Variants in CCDC117 observed in about 807,000 individuals in gnomAD.
CCDC117 encodes the protein coiled-coil domain-containing protein 117.
In CCDC117, 1 loss-of-function variant was observed where a neutral mutation model predicts 23.5. The ratio of observed to expected loss-of-function variants is 0.04; its 90% CI spans 0.02 to 0.20. CCDC117 has a LOEUF of 0.20. Among genes scored for constraint, CCDC117 ranks in the 10% least tolerant of loss-of-function variants. CCDC117 has a pLI of 1.00. For synonymous variants in CCDC117, 132 were observed against 124.8 expected (o/e 1.06, Z -0.39); for missense variants, 383 against 348.2 (o/e 1.10, Z -0.80).
At chr22:28,781,343 T>TG (rs1569198932) in intron 3 of CCDC117, among the ~76,000 whole-genome samples, 171 bp downstream of exon 3, 67 of 6,452 alleles carry the variant, frequency 0.01, 10 homozygotes, top group Admixed American at 0.015. Flanking sequence ...TTGTTTTTTT[T>TG]TTTTTTTTTT....
intron 3 of CCDC117, among the ~76,000 whole-genome samples, chr22:28,783,138 T>C (rs908856188): frequency 6.6e-6 from 1 of 151,934 alleles, no homozygotes; most frequent in Non-Finnish European, 1.5e-5. Flanking sequence ...GCCTCCCGGG[T>C]TCAAGTGATT....
rs745967615 is a variant in CCDC117, at chr22:28,786,093, C to T, written c.607C>T (p.Arg203Cys). ...FTKKMIESMS[R>C]PSMELVLWKP... Reference sequence around the variant, plus strand: ...AGTCTGTATTTTATGTCTTAGGAGCCGTCCTTCCATGGAGCTTGTTCTCTG... The same window carrying T: ...AGTCTGTATTTTATGTCTTAGGAGCTGTCCTTCCATGGAGCTTGTTCTCTG... The change falls in exon 5 of 5, where the codon CGT (arginine) becomes TGT (cysteine). Residue 203 changes from arginine to cysteine, a missense_variant. Transcript: ENST00000249064. 9 of 1,600,334 alleles carry T rather than the reference C, an allele frequency of 5.6e-6. No individual in the cohort carries two copies. The highest frequency in any genetic ancestry group is 2.2e-5 in the East Asian group (1 of 44,830).
At chr22:28,783,439 C>G (rs2031414407) in intron 3 of CCDC117, 69 bp from the exon 4 acceptor site, 5 of 1,470,618 alleles carry the variant, frequency 3.4e-6, no homozygotes, top group Non-Finnish European at 4.6e-6. Flanking sequence ...AAAATTTTGT[C>G]CAAATACTAG....
At chr22:28,785,737 A>C (rs912207948) in intron 4 of CCDC117, among the ~76,000 whole-genome samples, 1 of 152,070 alleles carries the variant, frequency 6.6e-6, no homozygotes. Flanking sequence ...GAAGTGTGCA[A>C]TGTTATGTAT....
chr22:28,776,533 G>C (rs1184376711), intron 2 of CCDC117, among the ~76,000 whole-genome samples: 1 of 151,294 alleles, frequency 6.6e-6, no homozygotes, highest in Non-Finnish European at 1.5e-5. Context: ...CGATTCTCCT[G>C]CCTCATCCTC....
In CCDC117 at chr22:28,786,995, T is replaced by C. The variant is rs1323958708; in HGVS notation, c.*669T>C. ...GCCACTGTTGCTCCTTGGTTTCCCT[T>C]GCGTAATTGATAAGCCCAGTTATTC... On this transcript the variant is annotated 3_prime_UTR_variant, in exon 5 of 5. Transcript: ENST00000249064. The C allele has an allele frequency of 6.6e-6, 1 of 152,616 alleles. No individual in the cohort carries two copies. The highest frequency in any genetic ancestry group is 1.5e-5 in the Non-Finnish European group (1 of 68,048). The allele number at this position is 152,616 out of a possible 1,614,324, so 9.5% of individuals were successfully genotyped here. A position where few individuals can be genotyped will look rare whatever the true frequency, so the allele number is the denominator to read the frequency against.
chr22:28,774,050 T>G (rs565129289), intron 2 of CCDC117, among the ~76,000 whole-genome samples: 57 of 150,740 alleles, frequency 3.8e-4, no homozygotes, highest in South Asian at 3.1e-3. Context: ...AAAGGATACA[T>G]ATTGAAAAGT....
At position 28,787,161 on chromosome 22, in the gene CCDC117, T is replaced by A. The variant is rs2031539006; in HGVS notation, c.*835T>A. 6.6e-6 allele frequency: 1 copy of A among 152,480 alleles called. No individual in the cohort carries two copies. The highest frequency in any genetic ancestry group is 1.5e-5 in the Non-Finnish European group (1 of 68,024). The allele number at this position is 152,480 out of a possible 1,614,324, so 9.4% of individuals were successfully genotyped here. ...CTAAACCCAACATTGATAACTTTGGTAATTTTTTTAAAAAGTTATACTTGT... is the reference window on the plus strand; with the variant it reads ...CTAAACCCAACATTGATAACTTTGGAAATTTTTTTAAAAAGTTATACTTGT... On this transcript the variant is annotated 3_prime_UTR_variant, in exon 5 of 5. Coordinates refer to ENST00000249064, the MANE Select transcript of CCDC117 (RefSeq NM_173510.4).
At position 28,783,579 on chromosome 22, in the gene CCDC117, A is replaced by G. The variant is rs2031421987; in HGVS notation, c.536A>G (p.Asp179Gly). ...CATCTCCCCAGTCTTGTCCTTTCTG[A>G]TACCATGAAAACAGGTTTGAAGAGG... Reference protein sequence around the residue: ...VNHLPSLVLSDTMKTGLKREF... With the variant: ...VNHLPSLVLSGTMKTGLKREF... Residue 179 changes from aspartate (D) to glycine (G), a missense_variant, in exon 4 of 5, where the codon GAT (aspartate) becomes GGT (glycine). Asp to Gly is a moderately conservative substitution (Grantham distance 94). Coordinates refer to ENST00000249064, the MANE Select transcript of CCDC117 (RefSeq NM_173510.4). The G allele has an allele frequency of 6.2e-7, 1 of 1,613,644 alleles. No homozygotes were observed. The highest frequency in any genetic ancestry group is 1.1e-5 in the South Asian group (1 of 91,074).
Position 28,772,863 on chromosome 22 carries a change from G to A in CCDC117, c.14G>A (p.Gly5Asp). 1 of 1,233,640 alleles carries A rather than the reference G, an allele frequency of 8.1e-7. No homozygotes were observed. The highest frequency in any genetic ancestry group is 1.0e-6 in the Non-Finnish European group (1 of 988,056). 76.4% of individuals were successfully genotyped at this position (1,233,640 alleles called of 1,614,324 possible). A position where few individuals can be genotyped will look rare whatever the true frequency, so the allele number is the denominator to read the frequency against. The change falls in exon 1 of 5, where the codon GGC becomes GAC. Residue 5 changes from glycine to aspartate, a missense_variant. Transcript: ENST00000249064. MAAL[G>D]RPFSGLPLSG... ...GTCTCGCCGGCTATGGCTGCGCTCG[G>A]CCGGCCCTTCAGCGGCCTCCCTCTG...
In CCDC117 at chr22:28,783,680, A is replaced by G. The variant is rs1379793309; in HGVS notation, c.602+35A>G. On this transcript the variant is annotated intron_variant, in intron 4 of 4. Coordinates refer to ENST00000249064, the MANE Select transcript of CCDC117 (RefSeq NM_173510.4). ...GGTACCTGATTTCTATTTAATTATG[A>G]TCTTGGAGGGAAGACCCAATGTCTA... 6.2e-6 allele frequency: 10 copies of G among 1,600,740 alleles called. No homozygotes were observed. In the Admixed American group the frequency reaches 1.7e-4, roughly 27 times the overall value.
At chr22:28,776,130 C>T (rs776895773) in intron 2 of CCDC117, among the ~76,000 whole-genome samples, 1 of 152,102 alleles carries the variant, frequency 6.6e-6, no homozygotes, top group Non-Finnish European at 1.5e-5. Flanking sequence ...GATTTGGCAT[C>T]CGGTGTGGTG....
chr22:28,781,349 T>TG, intron 3 of CCDC117, among the ~76,000 whole-genome samples, 177 bp downstream of exon 3: 1 of 10,014 alleles, frequency 1.0e-4, no homozygotes, highest in Non-Finnish European at 1.5e-4. Context: ...TTTTTTTTTT[T>TG]TTTTTTTTTT....
rs1412691559 is a variant in CCDC117, at chr22:28,786,266, G to C, written c.780G>C (p.Gly260=). 1 of 1,614,170 alleles carries C rather than the reference G, an allele frequency of 6.2e-7. No homozygotes were observed. The highest frequency in any genetic ancestry group is 8.5e-7 in the Non-Finnish European group (1 of 1,180,040). The change falls in exon 5 of 5, where the codon GGG becomes GGC. Residue 260 remains glycine (G), a synonymous_variant. Transcript: ENST00000249064. The stretch of plus-strand genomic sequence containing the variant: ...TGTTTTCGGAACCTCGGCCAACAGG[G>C]ATGTCTCTTTATAATAGTTTGGAGA... The part of the protein sequence containing the change: ...TELFSEPRPT[G]MSLYNSLETA...
intron 4 of CCDC117, among the ~76,000 whole-genome samples, chr22:28,785,176 G>GCTTGTTTTGTTTTGT (rs1050795933): frequency 7.7e-6 from 1 of 129,336 alleles, no homozygotes; most frequent in African/African-American, 3.2e-5. Flanking sequence ...TAACCATGAA[G>GCTTGTTTTGTTTTGT]CTTGTTTTGT....
At chr22:28,775,239 C>T (rs1363931547) in intron 2 of CCDC117, among the ~76,000 whole-genome samples, 1 of 152,128 alleles carries the variant, frequency 6.6e-6, no homozygotes, top group African/African-American at 2.4e-5. Context: ...CCAGCCTGGG[C>T]AGTAGAGTGA....
intron 2 of CCDC117, 78 bp downstream of exon 2, chr22:28,773,856 A>G (rs2031077390): frequency 9.1e-7 from 1 of 1,102,256 alleles, no homozygotes; most frequent in Admixed American, 1.7e-5. Flanking sequence ...TACTTAAGTG[A>G]AAAGGTGAAA....
rs2031035471 is a variant in CCDC117, at chr22:28,773,011, C to T, written c.162C>T (p.Pro54=). ...RPGPRAVPSS[P]AGSAARGRVS... ...GACCTCGCGCAGTCCCTAGCAGTCC[C>T]GCTGGGAGTGCGGCGCGCGGACGGT... Residue 54 remains proline, a synonymous_variant, in exon 1 of 5, where the codon CCC becomes CCT. Coordinates refer to ENST00000249064, the MANE Select transcript of CCDC117 (RefSeq NM_173510.4). The T allele has an allele frequency of 1.7e-6, 2 of 1,180,396 alleles. No individual in the cohort carries two copies. The allele number at this position is 1,180,396 out of a possible 1,614,324, so 73.1% of individuals were successfully genotyped here. A position where few individuals can be genotyped will look rare whatever the true frequency, so the allele number is the denominator to read the frequency against.
intron 4 of CCDC117, among the ~76,000 whole-genome samples, chr22:28,784,062 A>G (rs547423030): frequency 1.1e-4 from 16 of 152,368 alleles, no homozygotes; most frequent in South Asian, 2.1e-4. Context: ...CAGTTGCTGC[A>G]AAGACTGCAA....
Sources: allele counts gnomAD v4.1 joint callset (sites outside exome capture counted in the v4.1 genomes callset), GRCh38; gene constraint gnomAD v4.1.1; transcripts MANE v1.5; gene names NCBI Gene and HGNC (gene_info 2026-07-23, HGNC 2026-07-21).